Variants in EML1 observed in about 807,000 individuals in gnomAD.
The protein encoded by EML1 is echinoderm microtubule-associated protein-like 1.
In EML1, 27 loss-of-function variants were observed where a neutral mutation model predicts 110.4. The ratio of observed to expected loss-of-function variants is 0.24; its 90% CI spans 0.18 to 0.34. The LOEUF (loss-of-function observed/expected upper bound fraction) is 0.34. Among genes scored for constraint, EML1 ranks in the 10% least tolerant of loss-of-function variants. EML1 has a pLI of 1.00. For synonymous variants in EML1, 344 were observed against 385.8 expected (o/e 0.89, Z 1.27); for missense variants, 741 against 1,030.9 (o/e 0.72, Z 3.85).
chr14:99,751,688 G>A (rs1362894786), intron 1 of EML1, among the ~76,000 whole-genome samples: 3 of 152,084 alleles, frequency 2.0e-5, no homozygotes, highest in Admixed American at 1.3e-4. Flanking sequence ...AGAAAAGGGT[G>A]TTCCTGGCAG....
chr14:99,832,451 C>G (rs1258494412), intron 1 of EML1, among the ~76,000 whole-genome samples: 2 of 152,140 alleles, frequency 1.3e-5, no homozygotes, highest in Non-Finnish European at 2.9e-5. Flanking sequence ...AGCTGTCTGC[C>G]AAAGTGGTTG....
chr14:99,858,597 C>T (rs901371669), intron 2 of EML1, among the ~76,000 whole-genome samples: 5 of 152,160 alleles, frequency 3.3e-5, no homozygotes, highest in East Asian at 1.9e-4. Context: ...AGTGATTGGC[C>T]GTATGCGTAG....
At chr14:99,744,535 C>T (rs1446659006) in intron 1 of EML1, among the ~76,000 whole-genome samples, 1 of 152,168 alleles carries the variant, frequency 6.6e-6, no homozygotes, top group Non-Finnish European at 1.5e-5. Context: ...TTTTTTTCCC[C>T]CGAATTGACC....
chr14:99,788,989 T>C (rs937855518), upstream of EML1, among the ~76,000 whole-genome samples: 2 of 152,154 alleles, frequency 1.3e-5, no homozygotes, highest in African/African-American at 2.4e-5. Flanking sequence ...GTATCAGAAT[T>C]CCCTTCCTTT....
chr14:99,932,991 A>T (rs2060400363), intron 17 of EML1, among the ~76,000 whole-genome samples: 1 of 152,022 alleles, frequency 6.6e-6, no homozygotes, highest in African/African-American at 2.4e-5. Flanking sequence ...AGTAGCGCAC[A>T]TCTGTAGTCC....
At chr14:99,760,949 A>C (rs2057308105) in intron 1 of EML1, among the ~76,000 whole-genome samples, 1 of 152,042 alleles carries the variant, frequency 6.6e-6, no homozygotes, top group South Asian at 2.1e-4. Flanking sequence ...CCTGAGCCAC[A>C]GGCAAGCGGG....
At chr14:99,773,317 AT>A (rs2140205096) in exon 1 of EML1, 1 of 152,334 alleles carries the variant, frequency 6.6e-6, no homozygotes, top group South Asian at 2.1e-4. Flanking sequence ...ATTAAAATAC[AT>A]TTTATTTCAT....
chr14:99,764,023 A>G (rs1423554693), intron 1 of EML1, among the ~76,000 whole-genome samples: 2 of 152,156 alleles, frequency 1.3e-5, no homozygotes, highest in Admixed American at 6.5e-5. Flanking sequence ...GAGGTCCCCA[A>G]GTGTTTCTGG....
At chr14:99,847,453 G>A (rs1387610384) in intron 1 of EML1, among the ~76,000 whole-genome samples, 1 of 152,114 alleles carries the variant, frequency 6.6e-6, no homozygotes, top group African/African-American at 2.4e-5. Flanking sequence ...TGGGCTCCAT[G>A]ATTCTCCCAC....
rs752144732 is a variant in EML1, at chr14:99,936,598, G to T, written c.2095+264G>T. On this transcript the variant is annotated intron_variant, in intron 19 of 21. Coordinates refer to ENST00000262233, the MANE Select transcript of EML1 (RefSeq NM_004434.3). The surrounding 1 kb of genome is among the most constrained non-coding windows in gnomAD (Gnocchi z 5.5). ...GGGAAGAAGGCCAAGCCCTGCAGAG[G>T]GGGGCTTGGGGCAGGCGGATGTGGC... is the stretch of plus-strand genomic sequence containing the variant. Among the ~76,000 whole-genome samples, 10 of 152,164 alleles carry T rather than the reference G, an allele frequency of 6.6e-5. No individual in the cohort carries two copies. The highest frequency in any genetic ancestry group is 1.2e-4 in the Non-Finnish European group (8 of 68,016).
chr14:99,811,406 C>T (rs951863363), intron 1 of EML1, among the ~76,000 whole-genome samples: 1 of 148,348 alleles, frequency 6.7e-6, no homozygotes, highest in Non-Finnish European at 1.5e-5. Flanking sequence ...TTGACCGGAA[C>T]CTTACCAATA....
upstream of EML1, among the ~76,000 whole-genome samples, chr14:99,790,417 A>G (rs145198087): frequency 3.8e-3 from 576 of 152,216 alleles, 6 homozygotes; most frequent in South Asian, 0.023. Context: ...AGCTCACTGC[A>G]GCCTCAACCT....
intron 1 of EML1, among the ~76,000 whole-genome samples, chr14:99,813,882 A>C (rs1223388020): frequency 6.6e-6 from 1 of 152,128 alleles, no homozygotes; most frequent in Non-Finnish European, 1.5e-5. Context: ...AACCTGACCC[A>C]AGAATCCCTT....
chr14:99,863,018 C>T (rs2059027541), intron 2 of EML1, among the ~76,000 whole-genome samples: 1 of 152,214 alleles, frequency 6.6e-6, no homozygotes, highest in East Asian at 1.9e-4. Flanking sequence ...TGTCTCTACT[C>T]TAGTGGCACA....
At chr14:99,910,154 TG>T (rs1466283624) in intron 11 of EML1, 87 bp from the exon 12 acceptor site, 1 of 958,976 alleles carries the variant, frequency 1.0e-6, no homozygotes, top group African/African-American at 1.7e-5. Flanking sequence ...CGAATCTAGA[TG>T]TTATTAGTAC....
In EML1 at chr14:99,907,672, C is replaced by G; in HGVS notation, c.1043C>G (p.Ser348Cys). Residue 348 changes from serine (S) to cysteine (C), a missense_variant, in exon 10 of 22, where the codon TCC becomes TGC. Coordinates refer to ENST00000262233, the MANE Select transcript of EML1 (RefSeq NM_004434.3). Reference sequence around the variant, plus strand: ...ACCAATCTCTGTGCTGTGGATGACTCCAACGACCATGTGCTCTCTGTATGG... The same window carrying G: ...ACCAATCTCTGTGCTGTGGATGACTGCAACGACCATGTGCTCTCTGTATGG... Reference protein sequence around the residue: ...GGTNLCAVDDSNDHVLSVWDW... With the variant: ...GGTNLCAVDDCNDHVLSVWDW... 1 of 1,614,196 alleles carries G rather than the reference C, an allele frequency of 6.2e-7. No individual in the cohort carries two copies.
intron 1 of EML1, among the ~76,000 whole-genome samples, chr14:99,805,313 T>C (rs1364335631): frequency 6.6e-6 from 1 of 152,218 alleles, no homozygotes; most frequent in Non-Finnish European, 1.5e-5. Flanking sequence ...CTTTGAGTCG[T>C]GCCTACTTAG....
upstream of EML1, among the ~76,000 whole-genome samples, chr14:99,788,809 CACTT>C (rs1238935279): frequency 6.6e-6 from 1 of 152,168 alleles, no homozygotes; most frequent in African/African-American, 2.4e-5. Flanking sequence ...ATTAAGCACT[CACTT>C]ACTATTCCTT....
At chr14:99,863,136 T>C (rs1040325072) in intron 2 of EML1, among the ~76,000 whole-genome samples, 1 of 152,362 alleles carries the variant, frequency 6.6e-6, no homozygotes, top group East Asian at 1.9e-4. Flanking sequence ...TCCATCCTGA[T>C]GTTCCTGTGT....
Sources: gnomAD v4.1 joint callset for allele counts (sites outside exome capture counted in the v4.1 genomes callset) on GRCh38, gnomAD v4.1.1 for gene constraint, Gnocchi (gnomAD v3.1) non-coding constraint, MANE v1.5 for transcripts, NCBI Gene and HGNC (gene_info 2026-07-23, HGNC 2026-07-21) for gene names.